Variants in NCKAP1 observed in about 807,000 individuals in gnomAD.
NCKAP1 encodes the protein nck-associated protein 1.
NCKAP1 carries 21 observed loss-of-function variants against 151.2 expected under a neutral mutation model. The ratio of observed to expected loss-of-function variants is 0.14; its 90% CI spans 0.10 to 0.20. The LOEUF (loss-of-function observed/expected upper bound fraction) is 0.20, where lower values mean the gene tolerates loss of function less well. Ranked by LOEUF, NCKAP1 falls within the 10% of genes least tolerant of loss-of-function variation. NCKAP1 has a pLI of 1.00. For missense variants in NCKAP1, 933 were observed against 1,352.1 expected (o/e 0.69, Z 4.86); for synonymous variants, 484 against 451.8 (o/e 1.07, Z -0.90).
intron 24 of NCKAP1, chr2:182,935,609 CT>C: frequency 3.6e-6 from 1 of 275,088 alleles, no homozygotes. Flanking sequence ...GTATATTGTG[CT>C]CTTTCATATG....
intron 23 of NCKAP1, among the ~76,000 whole-genome samples, chr2:182,946,791 C>G (rs1697117688): frequency 6.9e-6 from 1 of 145,152 alleles, no homozygotes; most frequent in Non-Finnish European, 1.5e-5. Flanking sequence ...GGAGAAAAGT[C>G]AACAAATTCC....
intron 1 of NCKAP1, among the ~76,000 whole-genome samples, chr2:183,034,481 A>T (rs1269241288): frequency 2.0e-5 from 3 of 151,982 alleles, no homozygotes; most frequent in African/African-American, 7.2e-5. Flanking sequence ...TAATACAGAG[A>T]TTAATCTCAT....
chr2:182,937,242 A>C (rs777349246), intron 24 of NCKAP1, among the ~76,000 whole-genome samples: 1 of 151,980 alleles, frequency 6.6e-6, no homozygotes, highest in Non-Finnish European at 1.5e-5. Context: ...CTCAAAGACT[A>C]TACCCTACAA....
intron 23 of NCKAP1, among the ~76,000 whole-genome samples, chr2:182,942,605 T>A (rs545831241): frequency 1.3e-5 from 2 of 151,864 alleles, no homozygotes; most frequent in East Asian, 3.9e-4. Context: ...AGAGGGAGAA[T>A]GACTTGTTAT....
rs550918662 is a variant in NCKAP1, at chr2:182,928,719, T to A, written c.3070+64A>T. 56 of 1,149,732 alleles carry A rather than the reference T, an allele frequency of 4.9e-5. No homozygotes were observed. The East Asian group carries it at 1.4e-3, about 28-fold the overall frequency. 71.2% of individuals were successfully genotyped at this position (1,149,732 alleles called of 1,614,324 possible). ...GTTAGTGGCAGAACTTAACTCATAT[T>A]TTATTATAAAATACCAAAACCCATG... On this transcript the variant is annotated intron_variant, in intron 28 of 30. Transcript: ENST00000361354.
chr2:182,936,609 T>G (rs948955017), intron 24 of NCKAP1, among the ~76,000 whole-genome samples: 2 of 152,202 alleles, frequency 1.3e-5, no homozygotes, highest in Non-Finnish European at 2.9e-5. Flanking sequence ...AGTGTTTTAT[T>G]TTAACTTTCT....
At chr2:182,993,367 C>T (rs994312713) in intron 8 of NCKAP1, among the ~76,000 whole-genome samples, 1 of 152,154 alleles carries the variant, frequency 6.6e-6, no homozygotes, top group African/African-American at 2.4e-5. Context: ...AAAGGGCCAA[C>T]TCTATTCTCT....
chr2:182,967,676 GA>G (rs1254306019), intron 15 of NCKAP1, among the ~76,000 whole-genome samples: 1 of 152,046 alleles, frequency 6.6e-6, no homozygotes, highest in African/African-American at 2.4e-5. Context: ...CATACCAAAA[GA>G]AATCTTCGAC....
At chr2:182,930,425 A>G (rs1434123457) in intron 27 of NCKAP1, among the ~76,000 whole-genome samples, 1 of 151,940 alleles carries the variant, frequency 6.6e-6, no homozygotes. Flanking sequence ...CTTAAATCTT[A>G]GAATGGCTCA....
Position 182,967,454 on chromosome 2 carries a change from C to T in NCKAP1, c.1483-93G>A. 4 of 1,126,074 alleles carry T rather than the reference C, an allele frequency of 3.6e-6. No homozygotes were observed. The South Asian group carries it at 4.2e-5, about 12-fold the overall frequency. 69.8% of individuals were successfully genotyped at this position (1,126,074 alleles called of 1,614,324 possible). A position where few individuals can be genotyped will look rare whatever the true frequency, so the allele number is the denominator to read the frequency against. The stretch of plus-strand genomic sequence containing the variant: ...GGGGGAAAAGCATCACTGAAAGATA[C>T]TTAAACTATCTACTGTGACACTGAC... On this transcript the variant is annotated intron_variant, in intron 15 of 30. Transcript: ENST00000361354.
In NCKAP1 at chr2:182,978,852, A is replaced by G; in HGVS notation, c.1405T>C (p.Ser469Pro). ...TTATTACCTTGTTTTACACTTAGGG[A>G]AGTCATAGTGTTAACAAAAGAGGAC... ...IMSSFVNTMT[S>P]LSVKQVEDGE... Residue 469 changes from serine (S) to proline (P), a missense_variant, in exon 14 of 31, where the codon TCC becomes CCC. Coordinates refer to ENST00000361354, the MANE Select transcript of NCKAP1 (RefSeq NM_013436.5). 6.3e-7 allele frequency: 1 copy of G among 1,593,602 alleles called. No homozygotes were observed. Among genetic ancestry groups the G allele is most frequent in the Non-Finnish European group, 8.6e-7 (1 of 1,164,530 alleles).
At chr2:183,012,624 T>TTA (rs1698609783) in intron 2 of NCKAP1, among the ~76,000 whole-genome samples, 1 of 149,856 alleles carries the variant, frequency 6.7e-6, no homozygotes, top group Non-Finnish European at 1.5e-5. Context: ...CTTACGCCTT[T>TTA]TTTTTTTTTT....
rs766629929 is a variant in NCKAP1 at position 182,953,082 on chromosome 2, G to A, written c.2372+31C>T. The A allele has an allele frequency of 3.8e-5, 59 of 1,555,892 alleles. 1 individual carries two copies. Among genetic ancestry groups the A allele is most frequent in the African/African-American group, 2.2e-4 (16 of 72,586 alleles). On this transcript the variant is annotated intron_variant, in intron 21 of 30. Transcript: ENST00000361354. ...CTAAGTACTTCATTACAAATTTTCC[G>A]CTACTACAAATTTCTAAATGCATTC...
Position 183,002,258 on chromosome 2 carries a change from A to T in NCKAP1, c.381T>A (p.Phe127Leu). Residue 127 changes from phenylalanine to leucine, a missense_variant, in exon 5 of 31, where the codon TTT (phenylalanine) becomes TTA (leucine). Physicochemically the swap from Phe to Leu is conservative, Grantham distance 22. Transcript: ENST00000361354. ...CQVFFDITVN[F>L]DLTKNYLDLI... ...AATCTAAGTAGTTCTTTGTTAAATC[A>T]AAGTTTACAGTCTAGGAGAAAAAAA... 1 of 1,538,504 alleles carries T rather than the reference A, an allele frequency of 6.5e-7. No individual in the cohort carries two copies. The highest frequency in any genetic ancestry group is 8.9e-7 in the Non-Finnish European group (1 of 1,123,142).
rs896926836 is a variant in NCKAP1 at position 182,923,718 on chromosome 2, T to G, written c.*1984A>C. 1 of 152,204 alleles carries G rather than the reference T, an allele frequency of 6.6e-6. No homozygotes were observed. The highest frequency in any genetic ancestry group is 1.5e-5 in the Non-Finnish European group (1 of 68,030). The allele number at this position is 152,204 out of a possible 1,614,324, so 9.4% of individuals were successfully genotyped here. A position where few individuals can be genotyped will look rare whatever the true frequency, so the allele number is the denominator to read the frequency against. Reference sequence around the variant, plus strand: ...TGTAGAGAAAACAACAAAAATAGTATGTTGTTGTGTAAGTTTAGAAGAAAA... The same window carrying G: ...TGTAGAGAAAACAACAAAAATAGTAGGTTGTTGTGTAAGTTTAGAAGAAAA... On this transcript the variant is annotated 3_prime_UTR_variant, in exon 31 of 31. Coordinates refer to ENST00000361354, the MANE Select transcript of NCKAP1 (RefSeq NM_013436.5).
Position 182,916,959 on chromosome 2 carries a change from GATATT to G in NCKAP1, c.*8738_*8742del, listed in dbSNP as rs1389532968. 1 of 152,028 alleles carries G rather than the reference GATATT, an allele frequency of 6.6e-6. No individual in the cohort carries two copies. 9.4% of individuals were successfully genotyped at this position (152,028 alleles called of 1,614,324 possible). ...TTACATTTGCATGAGTGGAAGTTCT[GATATT>G]ATAATACTCATAAAAGCCATGAAAA... is the stretch of plus-strand genomic sequence containing the variant. On this transcript the variant is annotated 3_prime_UTR_variant, in exon 31 of 31. Transcript: ENST00000361354.
At position 182,940,984 on chromosome 2, in the gene NCKAP1, C is replaced by T. The variant is rs533710657; in HGVS notation, c.2695+1086G>A. Among the ~76,000 whole-genome samples the T allele has an allele frequency of 2.4e-4, 37 of 152,288 alleles. 1 individual carries two copies. The South Asian group carries it at 6.2e-3, about 26-fold the overall frequency. On this transcript the variant is annotated intron_variant, in intron 24 of 30. Transcript: ENST00000361354. ...GATAAAATAGCCTAATAAAGTGATTCTCTAAAGCATTTAAGAGAAAAATGT... is the reference window on the plus strand; with the variant it reads ...GATAAAATAGCCTAATAAAGTGATTTTCTAAAGCATTTAAGAGAAAAATGT...
rs757915476 is a variant in NCKAP1 at position 183,001,945 on chromosome 2, C to T, written c.603+8G>A. On this transcript the variant is annotated splice_region_variant and intron_variant, in intron 6 of 30. Coordinates refer to ENST00000361354, the MANE Select transcript of NCKAP1 (RefSeq NM_013436.5). The stretch of plus-strand genomic sequence containing the variant: ...CATTCTCTCATATGCCTAACAACTG[C>T]CTCTTACCTTGCTATGGGGTACAAA... The T allele has an allele frequency of 3.7e-6, 6 of 1,606,492 alleles. No individual in the cohort carries two copies. The Admixed American group carries it at 8.3e-5, about 22-fold the overall frequency.
At chr2:182,962,096 A>T in intron 18 of NCKAP1, 63 bp downstream of exon 18, 1 of 1,527,932 alleles carries the variant, frequency 6.5e-7, no homozygotes, top group Non-Finnish European at 8.9e-7. Context: ...ACAACTGGCT[A>T]AAAGCACATT....
Sources: allele counts gnomAD v4.1 joint callset (sites outside exome capture counted in the v4.1 genomes callset), GRCh38; gene constraint gnomAD v4.1.1; transcripts MANE v1.5; gene names NCBI Gene and HGNC (gene_info 2026-07-23, HGNC 2026-07-21).